Variants in SLC35B4 observed in about 807,000 individuals in gnomAD.
SLC35B4 encodes nucleotide sugar transporter SLC35B4.
In SLC35B4, 28 loss-of-function variants were observed where a neutral mutation model predicts 39.5. The observed-to-expected ratio is 0.71, with a 90% CI of 0.53 to 0.97. The LOEUF is 0.97. SLC35B4 is among the 50% of genes least tolerant of loss of function. The probability of loss-of-function intolerance (pLI) is 0.00; values close to 1 mark genes in which losing one functional copy is unlikely to be tolerated. For synonymous variants in SLC35B4, 145 were observed against 150.4 expected (o/e 0.96, Z 0.26); for missense variants, 334 against 414.3 (o/e 0.81, Z 1.68).
chr7:134,294,922 C>A lies in SLC35B4; in HGVS notation c.907G>T (p.Val303Phe). ...TLWHWLGTLFVFIGTLMYTEV... is the reference protein window; with the variant it reads ...TLWHWLGTLFFFIGTLMYTEV... The stretch of plus-strand genomic sequence containing the variant: ...GTGTACATTAAGGTCCCAATGAAGA[C>A]AAACAAGGTGCCCAGCCAGTGCCAC... The change falls in exon 10 of 10, where the codon GTC becomes TTC. Residue 303 changes from valine (V) to phenylalanine (F), a missense_variant. Val to Phe is a conservative substitution (Grantham distance 50). Coordinates refer to ENST00000378509, the MANE Select transcript of SLC35B4 (RefSeq NM_032826.5). 6.2e-7 allele frequency: 1 copy of A among 1,614,148 alleles called. No homozygotes were observed. Among genetic ancestry groups the A allele is most frequent in the Middle Eastern group, 1.6e-4 (1 of 6,062 alleles).
At chr7:134,317,144 C>T (rs1418441558), upstream of SLC35B4, 2 of 203,312 alleles carry the variant, frequency 9.8e-6, no homozygotes, top group Non-Finnish European at 2.0e-5. Context: ...AATGAAGTCC[C>T]AAAGCGTCAG....
chr7:134,289,542 T>C lies in SLC35B4; in HGVS notation c.*5291A>G, dbSNP rs1224938490. ...CTTAAAACCTAATGGTAATACTGTA[T>C]GAAGAGCTCAGACGGGATGAATAAA... On this transcript the variant is annotated 3_prime_UTR_variant, in exon 10 of 10. Coordinates refer to ENST00000378509, the MANE Select transcript of SLC35B4 (RefSeq NM_032826.5). 2 of 152,614 alleles carry C rather than the reference T, an allele frequency of 1.3e-5. No individual in the cohort carries two copies. Among genetic ancestry groups the C allele is most frequent in the Non-Finnish European group, 2.9e-5 (2 of 68,044 alleles). The allele number at this position is 152,614 out of a possible 1,614,324, so 9.5% of individuals were successfully genotyped here.
At position 134,294,437 on chromosome 7, in the gene SLC35B4, C is replaced by T. The variant is rs188503599; in HGVS notation, c.*396G>A. 5.6e-6 allele frequency: 1 copy of T among 179,746 alleles called. No homozygotes were observed. The highest frequency in any genetic ancestry group is 1.3e-4 in the East Asian group (1 of 7,694). The allele number at this position is 179,746 out of a possible 1,614,324, so 11.1% of individuals were successfully genotyped here. On this transcript the variant is annotated 3_prime_UTR_variant, in exon 10 of 10. Transcript: ENST00000378509. ...ATGGGAGACAAAAGGGATAAGGTCA[C>T]AGGATGACAATGACTGCTGTAGCAG... is the stretch of plus-strand genomic sequence containing the variant.
At chr7:134,296,996 C>T (rs985801590) in intron 8 of SLC35B4, among the ~76,000 whole-genome samples, 1 of 152,246 alleles carries the variant, frequency 6.6e-6, no homozygotes, top group Non-Finnish European at 1.5e-5. Flanking sequence ...TCTCAGCTTA[C>T]TGCAACCTCT....
Position 134,295,013 on chromosome 7 carries a change from G to A in SLC35B4, c.816C>T (p.Val272=), listed in dbSNP as rs201933261. The A allele has an allele frequency of 3.8e-5, 62 of 1,614,040 alleles. No homozygotes were observed. In the Middle Eastern group the frequency reaches 1.3e-3, roughly 34 times the overall value. ...TECASLTVTL[V]VTLRKFVSLI... is the part of the protein sequence containing the mutation. ...GGCTCACAAATTTGCGTAGGGTCAC[G>A]ACGAGCGTGACGGTGAGGGAGGCGC... The change falls in exon 10 of 10, where the codon GTC becomes GTT. Residue 272 remains valine, a synonymous_variant. Transcript: ENST00000378509.
At chr7:134,308,688 C>G (rs1052263817) in intron 2 of SLC35B4, among the ~76,000 whole-genome samples, 1 of 152,186 alleles carries the variant, frequency 6.6e-6, no homozygotes, top group Admixed American at 6.5e-5. Context: ...CTACTAAATA[C>G]TCACAACTGG....
intron 1 of SLC35B4, among the ~76,000 whole-genome samples, chr7:134,313,504 A>C (rs1343952073): frequency 2.0e-5 from 3 of 152,234 alleles, no homozygotes; most frequent in Admixed American, 6.5e-5. Context: ...TCTTGTTTCC[A>C]AGGTAGAATG....
upstream of SLC35B4, chr7:134,317,020 C>T (rs970036445): frequency 2.1e-6 from 1 of 469,078 alleles, no homozygotes; most frequent in Non-Finnish European, 3.8e-6. Context: ...TGCCGTGCAC[C>T]TTTACCTCAG....
rs562144692 is a variant in SLC35B4, at chr7:134,295,400, A to G, written c.750-321T>C. ...GGTAAGGGTGATCCCATTCACCTTTATTTATCTTGCCTCCAGCCCTTCTAT... is the reference window on the plus strand; with the variant it reads ...GGTAAGGGTGATCCCATTCACCTTTGTTTATCTTGCCTCCAGCCCTTCTAT... On this transcript the variant is annotated intron_variant, in intron 9 of 9. Coordinates refer to ENST00000378509, the MANE Select transcript of SLC35B4 (RefSeq NM_032826.5). Among the ~76,000 whole-genome samples the G allele has an allele frequency of 4.6e-5, 7 of 152,126 alleles. No homozygotes were observed. In the East Asian group the frequency reaches 1.4e-3, roughly 29 times the overall value.
chr7:134,316,255 G>C (rs1003336574), intron 1 of SLC35B4, among the ~76,000 whole-genome samples: 1 of 152,056 alleles, frequency 6.6e-6, no homozygotes, highest in Non-Finnish European at 1.5e-5. Context: ...TAACAGGATC[G>C]AAAAAAGAGC....
chr7:134,301,918 T>A, intron 5 of SLC35B4, 97 bp from the exon 6 acceptor site: 1 of 1,505,372 alleles, frequency 6.6e-7, no homozygotes, highest in Non-Finnish European at 9.2e-7. Context: ...TTCCCTCCCC[T>A]CTTCTCTTTC....
rs1352039410 is a variant in SLC35B4 at position 134,290,965 on chromosome 7, C to G, written c.*3868G>C. On this transcript the variant is annotated 3_prime_UTR_variant, in exon 10 of 10. Transcript: ENST00000378509. ...CCACCAGTGAACATGTCCACCGGCC[C>G]TGAGCTAACTCATTGGTTTATTATT... is the stretch of plus-strand genomic sequence containing the variant. 6.6e-6 allele frequency: 1 copy of G among 152,216 alleles called. No individual in the cohort carries two copies. The highest frequency in any genetic ancestry group is 1.5e-5 in the Non-Finnish European group (1 of 68,038). The allele number at this position is 152,216 out of a possible 1,614,324, so 9.4% of individuals were successfully genotyped here.
chr7:134,320,299 C>T (rs1487028351), upstream of SLC35B4, among the ~76,000 whole-genome samples: 1 of 152,280 alleles, frequency 6.6e-6, no homozygotes, highest in East Asian at 1.9e-4. Flanking sequence ...GAGCAAGTCT[C>T]TTGACATGGT....
At position 134,300,150 on chromosome 7, in the gene SLC35B4, A is replaced by T. The variant is rs751855772; in HGVS notation, c.597+2T>A. 5.0e-6 allele frequency: 8 copies of T among 1,588,628 alleles called. No homozygotes were observed. The highest frequency in any genetic ancestry group is 6.0e-6 in the Non-Finnish European group (7 of 1,167,262). ...CGTTCCCAGGTTCAGGAAGTTGCTTACATTATAAAACAAAGCCTCCTTGGA... is the reference window on the plus strand; with the variant it reads ...CGTTCCCAGGTTCAGGAAGTTGCTTTCATTATAAAACAAAGCCTCCTTGGA... On this transcript the variant is annotated splice_donor_variant, in intron 7 of 9. Coordinates refer to ENST00000378509, the MANE Select transcript of SLC35B4 (RefSeq NM_032826.5). LOFTEE classifies it high-confidence loss of function.
At chr7:134,303,433 C>A (rs528342779) in intron 4 of SLC35B4, among the ~76,000 whole-genome samples, 1 of 151,632 alleles carries the variant, frequency 6.6e-6, no homozygotes, top group Non-Finnish European at 1.5e-5. Flanking sequence ...GCATGATGAT[C>A]ACTTCAAATG....
intron 4 of SLC35B4, 98 bp downstream of exon 4, chr7:134,304,707 T>G: frequency 1.1e-6 from 1 of 928,268 alleles, no homozygotes; most frequent in Non-Finnish European, 1.7e-6. Context: ...AGAAGCAAAC[T>G]TATCACTATT....
chr7:134,304,769 A>G (rs200324055), intron 4 of SLC35B4, 36 bp downstream of exon 4: 1 of 1,517,562 alleles, frequency 6.6e-7, no homozygotes, highest in East Asian at 2.3e-5. Flanking sequence ...TCAGGGTATC[A>G]TTTCCATACA....
upstream of SLC35B4, among the ~76,000 whole-genome samples, chr7:134,318,191 C>G (rs1252228023): frequency 3.3e-5 from 5 of 152,156 alleles, no homozygotes; most frequent in African/African-American, 7.2e-5. Flanking sequence ...CGCTTTAGAC[C>G]TACCAAGTCA....
At position 134,294,509 on chromosome 7, in the gene SLC35B4, T is replaced by C. The variant is rs1486868691; in HGVS notation, c.*324A>G. The C allele has an allele frequency of 1.2e-5, 3 of 241,092 alleles. No homozygotes were observed. The highest frequency in any genetic ancestry group is 1.7e-5 in the Non-Finnish European group (2 of 120,826). 14.9% of individuals were successfully genotyped at this position (241,092 alleles called of 1,614,324 possible). A position where few individuals can be genotyped will look rare whatever the true frequency, so the allele number is the denominator to read the frequency against. On this transcript the variant is annotated 3_prime_UTR_variant, in exon 10 of 10. Coordinates refer to ENST00000378509, the MANE Select transcript of SLC35B4 (RefSeq NM_032826.5). ...GAAGGGACAATCTTTTCCAAGACCA[T>C]GGATAGTAAGCCTTTTGTTCAGGAG...
Sources: allele counts gnomAD v4.1 joint callset (sites outside exome capture counted in the v4.1 genomes callset), GRCh38; gene constraint gnomAD v4.1.1; transcripts MANE v1.5; gene names NCBI Gene and HGNC (gene_info 2026-07-23, HGNC 2026-07-21).